Variants in OXSR1 observed in about 807,000 individuals in gnomAD.
The protein encoded by OXSR1 is oxidative stress responsive kinase 1, also known as serine/threonine-protein kinase OSR1.
In OXSR1, 24 loss-of-function variants were observed where a neutral mutation model predicts 79.8. The ratio of observed to expected loss-of-function variants is 0.30; its 90% CI spans 0.22 to 0.42. The LOEUF (loss-of-function observed/expected upper bound fraction) is 0.42, where lower values mean the gene tolerates loss of function less well. OXSR1 is among the 10% of genes least tolerant of loss of function. OXSR1 has a pLI of 1.00. For synonymous variants in OXSR1, 226 were observed against 209.2 expected (o/e 1.08, Z -0.69); for missense variants, 430 against 618.4 (o/e 0.70, Z 3.23).
chr3:38,166,999 G>C (rs182476080), intron 1 of OXSR1, among the ~76,000 whole-genome samples: 25 of 152,234 alleles, frequency 1.6e-4, no homozygotes, highest in African/African-American at 6.0e-4. Context: ...CCTTACAGAG[G>C]GATATAGAGA....
At chr3:38,199,121 A>G (rs982122891) in intron 4 of OXSR1, among the ~76,000 whole-genome samples, 1 of 152,142 alleles carries the variant, frequency 6.6e-6, no homozygotes, top group Non-Finnish European at 1.5e-5. Flanking sequence ...ATCGCTTTCC[A>G]TTTTCTTTTA....
rs536029668 is a variant in OXSR1 at position 38,225,567 on chromosome 3, A to T, written c.836+863A>T. 1.2e-4 allele frequency among the ~76,000 whole-genome samples: 18 copies of T among 149,318 alleles called. No individual in the cohort carries two copies. The South Asian group carries it at 1.7e-3, about 14-fold the overall frequency. On this transcript the variant is annotated intron_variant, in intron 8 of 17. Coordinates refer to ENST00000311806, the MANE Select transcript of OXSR1 (RefSeq NM_005109.3). Reference sequence around the variant, plus strand: ...CAAAATTTATACCTGTGTTTTTATAATTTTTTTTTTTCTGTTTCTGAGTAA... The same window carrying T: ...CAAAATTTATACCTGTGTTTTTATATTTTTTTTTTTTCTGTTTCTGAGTAA...
intron 6 of OXSR1, among the ~76,000 whole-genome samples, chr3:38,222,012 A>G (rs35899899): frequency 0.055 from 8,318 of 152,234 alleles, 243 homozygotes; most frequent in Middle Eastern, 0.14. Flanking sequence ...AAGCCTCCAT[A>G]TAGTTATTTC....
At chr3:38,187,448 A>G (rs1701906050) in intron 2 of OXSR1, among the ~76,000 whole-genome samples, 1 of 152,218 alleles carries the variant, frequency 6.6e-6, no homozygotes, top group Non-Finnish European at 1.5e-5. Context: ...CAGTTAAGGC[A>G]GAGACTTTAT....
chr3:38,252,972 T>C lies in OXSR1; in HGVS notation c.*81T>C, dbSNP rs1278617065. Reference sequence around the variant, plus strand: ...GCTTCTATTGGCCTAAACCCACTACTGCCAAAGAACCCAGCAACAAACCTC... The same window carrying C: ...GCTTCTATTGGCCTAAACCCACTACCGCCAAAGAACCCAGCAACAAACCTC... On this transcript the variant is annotated 3_prime_UTR_variant, in exon 18 of 18. Coordinates refer to ENST00000311806, the MANE Select transcript of OXSR1 (RefSeq NM_005109.3). The C allele has an allele frequency of 1.7e-6, 2 of 1,150,134 alleles. No homozygotes were observed. The highest frequency in any genetic ancestry group is 2.4e-5 in the East Asian group (1 of 42,226). The allele number at this position is 1,150,134 out of a possible 1,614,324, so 71.2% of individuals were successfully genotyped here.
intron 9 of OXSR1, 77 bp downstream of exon 9, chr3:38,229,812 A>G: frequency 9.1e-7 from 1 of 1,100,576 alleles, no homozygotes; most frequent in South Asian, 1.3e-5. Context: ...AGTGCTTAGA[A>G]GTTGGATGAT....
chr3:38,187,623 G>T (rs1042504594), intron 2 of OXSR1, among the ~76,000 whole-genome samples: 1 of 152,126 alleles, frequency 6.6e-6, no homozygotes, highest in Admixed American at 6.5e-5. Flanking sequence ...GAAAAAAAAG[G>T]CTTCAGAAAG....
intron 11 of OXSR1, among the ~76,000 whole-genome samples, chr3:38,240,468 A>G (rs908167337): frequency 9.2e-5 from 14 of 152,098 alleles, no homozygotes; most frequent in African/African-American, 3.1e-4. Context: ...GCGTGTATGT[A>G]TATACGTGTG....
intron 4 of OXSR1, 62 bp from the exon 5 acceptor site, chr3:38,216,034 A>T: frequency 9.7e-7 from 1 of 1,027,772 alleles, no homozygotes; most frequent in Non-Finnish European, 1.5e-6. Context: ...ACAATTGCTT[A>T]AATTATGTTA....
chr3:38,198,004 A>G (rs557493774), intron 3 of OXSR1, among the ~76,000 whole-genome samples: 15 of 152,268 alleles, frequency 9.9e-5, no homozygotes, highest in East Asian at 3.9e-4. Context: ...ATTTCCACCA[A>G]ACTTTTTACT....
At chr3:38,194,140 C>G (rs1702032798) in intron 3 of OXSR1, among the ~76,000 whole-genome samples, 2 of 152,150 alleles carry the variant, frequency 1.3e-5, no homozygotes, top group Non-Finnish European at 2.9e-5. Context: ...GATTCTTGCT[C>G]TTGTGGGCTA....
intron 10 of OXSR1, 73 bp from the exon 11 acceptor site, chr3:38,236,766 G>T (rs942009610): frequency 1.5e-6 from 2 of 1,347,976 alleles, no homozygotes; most frequent in African/African-American, 3.0e-5. Flanking sequence ...GATAGAAGAA[G>T]AGAGAAATAT....
intron 4 of OXSR1, among the ~76,000 whole-genome samples, chr3:38,208,959 A>AGTGTGTGTGTGT (rs144109114): frequency 1.3e-4 from 19 of 146,874 alleles, no homozygotes; most frequent in African/African-American, 4.1e-4. Flanking sequence ...CCAGTTAAGG[A>AGTGTGTGTGTGT]GTGTGTGTGT....
rs780485257 is a variant in OXSR1 at position 38,198,772 on chromosome 3, AGT to A, written c.345_346del (p.Ser115ArgfsTer5). On this transcript the variant is annotated frameshift_variant, in exon 4 of 18. Coordinates refer to ENST00000311806, the MANE Select transcript of OXSR1 (RefSeq NM_005109.3). LOFTEE classifies it high-confidence loss of function. ...KHIVAKGEHK[S>X]GVLDESTIAT... ...CATTGTGGCAAAAGGGGAACACAAA[AGT>A]GGAGTCCTAGATGAATCTACCATTG... is the stretch of plus-strand genomic sequence containing the variant. 1 of 1,613,214 alleles carries A rather than the reference AGT, an allele frequency of 6.2e-7. No homozygotes were observed. Among genetic ancestry groups the A allele is most frequent in the Non-Finnish European group, 8.5e-7 (1 of 1,179,214 alleles).
chr3:38,201,444 C>G (rs1702162101), intron 4 of OXSR1, among the ~76,000 whole-genome samples: 6 of 152,050 alleles, frequency 3.9e-5, no homozygotes, highest in Admixed American at 3.9e-4. Flanking sequence ...GGCATGGTGA[C>G]TCACGCCTGT....
chr3:38,191,520 C>G (rs1456292441), intron 3 of OXSR1, among the ~76,000 whole-genome samples: 1 of 151,588 alleles, frequency 6.6e-6, no homozygotes, highest in Non-Finnish European at 1.5e-5. Flanking sequence ...GATCTGTAGT[C>G]CTCTATTTCT....
At chr3:38,177,670 G>T (rs1368042739) in intron 1 of OXSR1, among the ~76,000 whole-genome samples, 1 of 149,620 alleles carries the variant, frequency 6.7e-6, no homozygotes, top group Non-Finnish European at 1.5e-5. Context: ...CTGCAGCATT[G>T]ACCTCCTGGG....
chr3:38,247,315 T>C (rs1020089462), intron 13 of OXSR1, among the ~76,000 whole-genome samples: 4 of 152,176 alleles, frequency 2.6e-5, no homozygotes, highest in Non-Finnish European at 5.9e-5. Flanking sequence ...TACTGCCATA[T>C]GGTGCACTGG....
chr3:38,203,252 C>A (rs929942375), intron 4 of OXSR1, among the ~76,000 whole-genome samples: 1 of 152,178 alleles, frequency 6.6e-6, no homozygotes, highest in Non-Finnish European at 1.5e-5. Flanking sequence ...CCTATGATCA[C>A]GGGACTTGCT....
Sources: gnomAD v4.1 joint callset for allele counts (sites outside exome capture counted in the v4.1 genomes callset) on GRCh38, gnomAD v4.1.1 for gene constraint, MANE v1.5 for transcripts, NCBI Gene and HGNC (gene_info 2026-07-23, HGNC 2026-07-21) for gene names.